Variants in CSGALNACT1 observed in about 807,000 individuals in gnomAD.
CSGALNACT1 encodes beta4GalNAcT-1.
A neutral mutation model predicts 51.0 loss-of-function variants in CSGALNACT1; 52 were observed. The ratio of observed to expected loss-of-function variants is 1.02; its 90% CI spans 0.82 to 1.29. CSGALNACT1 has a LOEUF of 1.29. Ranked by LOEUF, CSGALNACT1 falls within the 50% of genes most tolerant of loss-of-function variation. The pLI, the probability that CSGALNACT1 is intolerant of heterozygous loss-of-function variation, is 0.00. For synonymous variants in CSGALNACT1, 341 were observed against 254.4 expected, an observed-to-expected ratio of 1.34 and a Z score of -3.24; for missense variants, 935 against 679.2, an observed-to-expected ratio of 1.38 and a Z score of -4.19.
intron 3 of CSGALNACT1, among the ~76,000 whole-genome samples, chr8:19,515,486 C>T (rs921116951): frequency 2.6e-5 from 4 of 152,172 alleles, no homozygotes; most frequent in African/African-American, 9.7e-5. Flanking sequence ...CCCTCAACTC[C>T]TCGTTGGTCT....
intron 3 of CSGALNACT1, among the ~76,000 whole-genome samples, chr8:19,587,272 G>A (rs1056875362): frequency 1.3e-5 from 2 of 152,166 alleles, no homozygotes; most frequent in African/African-American, 4.8e-5. Context: ...TTTTATTAAA[G>A]CTCCAAATCA....
chr8:19,676,083 T>TAAAA (rs1564404826), intron 1 of CSGALNACT1, among the ~76,000 whole-genome samples: 5 of 59,096 alleles, frequency 8.5e-5, no homozygotes, highest in African/African-American at 1.9e-4. Context: ...GTTGTCTGAT[T>TAAAA]TAAAAAACAA....
At chr8:19,456,297 C>G (rs79416928) in intron 5 of CSGALNACT1, among the ~76,000 whole-genome samples, 17,164 of 152,230 alleles carry the variant, frequency 0.11, 1,223 homozygotes, top group Middle Eastern at 0.2. Flanking sequence ...CGAGCAGATA[C>G]TTCTTTAGTG....
intron 4 of CSGALNACT1, among the ~76,000 whole-genome samples, chr8:19,492,386 G>T: frequency 6.6e-6 from 1 of 152,228 alleles, no homozygotes; most frequent in East Asian, 1.9e-4. Context: ...ATTATCCCAG[G>T]ATGGTAAATT....
intron 4 of CSGALNACT1, among the ~76,000 whole-genome samples, chr8:19,462,395 T>C (rs2065754902): frequency 6.6e-6 from 1 of 152,216 alleles, no homozygotes. Flanking sequence ...TAAGAATCAT[T>C]AACTTTTAAA....
chr8:19,700,265 C>T (rs544406233), intron 1 of CSGALNACT1, among the ~76,000 whole-genome samples: 3 of 151,800 alleles, frequency 2.0e-5, no homozygotes, highest in Non-Finnish European at 4.4e-5. Flanking sequence ...CTCCTATTTC[C>T]GGGTGTGTGA....
intron 3 of CSGALNACT1, among the ~76,000 whole-genome samples, chr8:19,511,190 T>A (rs2078397374): frequency 6.6e-6 from 1 of 152,208 alleles, no homozygotes; most frequent in Non-Finnish European, 1.5e-5. Flanking sequence ...TAAAGGCAAC[T>A]ATTCAAGGAG....
chr8:19,742,518 G>A (rs1482071174), intron 1 of CSGALNACT1, among the ~76,000 whole-genome samples: 3 of 152,180 alleles, frequency 2.0e-5, no homozygotes, highest in Non-Finnish European at 4.4e-5. Flanking sequence ...CTGAGACCTG[G>A]TCTGGCCCAG....
At chr8:19,625,910 C>T (rs950335720) in intron 1 of CSGALNACT1, among the ~76,000 whole-genome samples, 2 of 152,132 alleles carry the variant, frequency 1.3e-5, no homozygotes, top group African/African-American at 4.8e-5. Context: ...TAAAATGTTG[C>T]AATCAGGCTA....
chr8:19,480,246 G>T (rs1229141697), intron 4 of CSGALNACT1, among the ~76,000 whole-genome samples: 1 of 151,978 alleles, frequency 6.6e-6, no homozygotes, highest in African/African-American at 2.4e-5. Context: ...ATTTTTCCTG[G>T]TCCTCTCCTT....
rs547908070 is a variant in CSGALNACT1 at position 19,654,108 on chromosome 8, G to A, written c.-544+28365C>T. Among the ~76,000 whole-genome samples, 23 of 152,276 alleles carry A rather than the reference G, an allele frequency of 1.5e-4. No homozygotes were observed. The South Asian group carries it at 2.9e-3, about 19-fold the overall frequency. On this transcript the variant is annotated intron_variant, in intron 1 of 9. Transcript: ENST00000332246. ...TATTCAATCATCACTGAAAACACAC[G>A]AACTGACTGCTTTCAGAGTGCTTGA... is the stretch of plus-strand genomic sequence containing the variant.
chr8:19,539,648 C>G (rs2084619048), intron 3 of CSGALNACT1, among the ~76,000 whole-genome samples: 1 of 152,172 alleles, frequency 6.6e-6, no homozygotes, highest in African/African-American at 2.4e-5. Context: ...GGCAGTCCTA[C>G]TAAATACTGC....
chr8:19,560,246 T>A (rs1165931064), intron 3 of CSGALNACT1, among the ~76,000 whole-genome samples: 3 of 152,202 alleles, frequency 2.0e-5, no homozygotes, highest in African/African-American at 7.2e-5. Flanking sequence ...TAATTTCAGA[T>A]GGACTTTAAG....
At chr8:19,687,527 G>C (rs940346528), upstream of CSGALNACT1, among the ~76,000 whole-genome samples, 5 of 152,130 alleles carry the variant, frequency 3.3e-5, no homozygotes, top group African/African-American at 1.2e-4. Context: ...TTTTCACATA[G>C]AAGTTAATTA....
chr8:19,732,111 A>G (rs1331444480), intron 1 of CSGALNACT1, among the ~76,000 whole-genome samples: 1 of 152,236 alleles, frequency 6.6e-6, no homozygotes, highest in African/African-American at 2.4e-5. Context: ...TGCAATGTGA[A>G]TCAATCTGGC....
In CSGALNACT1 at chr8:19,407,939, G is replaced by C. The variant is rs1001998588; in HGVS notation, c.1309+674C>G. ...TGTGTGTGTGTGTGTGTGTGTGTGT[G>C]TGTGTGTGTGTATTGGCAGCAACTG... On this transcript the variant is annotated intron_variant, in intron 9 of 9. Transcript: ENST00000454498. Among the ~76,000 whole-genome samples, 46 of 143,182 alleles carry C rather than the reference G, an allele frequency of 3.2e-4. 1 individual carries two copies. The highest frequency in any genetic ancestry group is 5.8e-4 in the Admixed American group (8 of 13,912). 93.9% of individuals were successfully genotyped at this position (143,182 alleles called of 152,430 possible). A position where few individuals can be genotyped will look rare whatever the true frequency, so the allele number is the denominator to read the frequency against.
intron 1 of CSGALNACT1, among the ~76,000 whole-genome samples, chr8:19,679,949 A>G (rs1217173182): frequency 6.6e-6 from 1 of 152,204 alleles, no homozygotes; most frequent in Non-Finnish European, 1.5e-5. Flanking sequence ...CTTAGAGTAG[A>G]TTCAATTCAT....
chr8:19,620,358 G>A (rs985087505), intron 1 of CSGALNACT1, among the ~76,000 whole-genome samples: 5 of 145,372 alleles, frequency 3.4e-5, no homozygotes, highest in Non-Finnish European at 6.0e-5. Context: ...TACTGTGTCT[G>A]ACCTACAACG....
intron 1 of CSGALNACT1, among the ~76,000 whole-genome samples, chr8:19,748,078 T>C (rs952282806): frequency 6.6e-6 from 1 of 152,182 alleles, no homozygotes; most frequent in African/African-American, 2.4e-5. Context: ...CTTCTATGCA[T>C]ATAAGTTGCT....
Sources: allele counts gnomAD v4.1 joint callset (sites outside exome capture counted in the v4.1 genomes callset), GRCh38; gene constraint gnomAD v4.1.1; transcripts MANE v1.5; gene names NCBI Gene and HGNC (gene_info 2026-07-23, HGNC 2026-07-21).